The following SCN4A variants were observed in gnomAD, a reference collection of about 807,000 sequenced individuals.
The protein encoded by SCN4A is sodium voltage-gated channel alpha subunit 4.
Under a neutral mutation model 162.0 loss-of-function variants are expected in SCN4A, and 83 were observed. The observed-to-expected ratio is 0.51, with a 90% CI of 0.43 to 0.61. The LOEUF (loss-of-function observed/expected upper bound fraction) is 0.61. Among genes scored for constraint, SCN4A ranks in the 20% least tolerant of loss-of-function variants. SCN4A has a pLI of 0.00. For synonymous variants in SCN4A, 944 were observed against 985.1 expected (o/e 0.96, Z 0.78); for missense variants, 2,196 against 2,462.5 (o/e 0.89, Z 2.29).
At chr17:63,967,983 G>C (rs200523205) in intron 6 of SCN4A, 40 bp downstream of exon 6, 1 of 1,553,508 alleles carries the variant, frequency 6.4e-7, no homozygotes, top group Non-Finnish European at 8.9e-7. Context: ...CTAGGGACTG[G>C]GACAGGATCC....
rs558245350 is a variant in SCN4A, at chr17:63,966,207, C to T, written c.1137G>A (p.Gly379=). 1.2e-6 allele frequency: 2 copies of T among 1,603,288 alleles called. No individual in the cohort carries two copies. Among genetic ancestry groups the T allele is most frequent in the South Asian group, 1.1e-5 (1 of 88,714 alleles). Residue 379 remains glycine, a synonymous_variant, in exon 8 of 24, where the codon GGG becomes GGA. Coordinates refer to ENST00000435607, the MANE Select transcript of SCN4A (RefSeq NM_000334.4). ...TGGTGTAGCCATAGTTGGGGTTCCGCCCGGTCTTGATGCACTCATAACCCT... is the reference window on the plus strand; with the variant it reads ...TGGTGTAGCCATAGTTGGGGTTCCGTCCGGTCTTGATGCACTCATAACCCT... ...CPEGYECIKT[G]RNPNYGYTSY... is the part of the protein sequence containing the mutation.
At chr17:63,946,485 A>G (rs1019421432) in intron 18 of SCN4A, among the ~76,000 whole-genome samples, 1 of 72,174 alleles carries the variant, frequency 1.4e-5, no homozygotes, top group African/African-American at 7.2e-5. Flanking sequence ...CCCCGCCGCA[A>G]CCCTGTGTTT....
chr17:63,948,003 C>T lies in SCN4A; in HGVS notation c.3205G>A (p.Asp1069Asn), dbSNP rs373150395. The T allele has an allele frequency of 2.4e-5, 39 of 1,613,726 alleles. No individual in the cohort carries two copies. Among genetic ancestry groups the T allele is most frequent in the Non-Finnish European group, 3.0e-5 (35 of 1,179,784 alleles). ...ATGAAGATGTAGGTGAAGACCTTGT[C>T]GGCATATTCTAGGATGGTGCGAATG... ...RVIRTILEYA[D>N]KVFTYIFIME... The change falls in exon 17 of 24, where the codon GAC (aspartate) becomes AAC (asparagine). Residue 1069 changes from aspartate to asparagine, a missense_variant. Transcript: ENST00000435607.
At chr17:63,947,205 C>T in intron 17 of SCN4A, 38 bp from the exon 18 acceptor site, 5 of 1,609,628 alleles carry the variant, frequency 3.1e-6, no homozygotes, top group East Asian at 2.2e-5. Context: ...GCGTGCAAGG[C>T]CCCCAGCCTC....
chr17:63,954,856 C>T (rs984162132), intron 13 of SCN4A, among the ~76,000 whole-genome samples: 1 of 152,138 alleles, frequency 6.6e-6, no homozygotes, highest in Non-Finnish European at 1.5e-5. Flanking sequence ...GACAGGCACA[C>T]AGAAGCAGGG....
chr17:63,940,771 C>A lies in SCN4A; in HGVS notation c.5511G>T (p.Ter1837TyrextTer50). The part of the protein sequence containing the change: ...VRPGVKESLV[*>Y] ...CAGTGGGCCACCCCGATGCTGCCTG[C>A]TAGACAAGAGACTCCTTGACACCTG... The change falls in exon 24 of 24, where the codon TAG becomes TAT. Residue 1837 changes from the stop codon to tyrosine, a stop_lost. Coordinates refer to ENST00000435607, the MANE Select transcript of SCN4A (RefSeq NM_000334.4). 1 of 1,561,006 alleles carries A rather than the reference C, an allele frequency of 6.4e-7. No individual in the cohort carries two copies. The highest frequency in any genetic ancestry group is 8.7e-7 in the Non-Finnish European group (1 of 1,151,722).
chr17:63,955,334 G>T (rs1909041035), intron 13 of SCN4A, among the ~76,000 whole-genome samples: 1 of 152,202 alleles, frequency 6.6e-6, no homozygotes, highest in Non-Finnish European at 1.5e-5. Flanking sequence ...CAGGAGCATC[G>T]CCCTGGTGGC....
In SCN4A at chr17:63,943,212, CAGAG is replaced by C. The variant is rs111745569; in HGVS notation, c.4018-120_4018-117del. The C allele has an allele frequency of 0.11, 38,565 of 362,096 alleles. 843 individuals are homozygous for C. The highest frequency in any genetic ancestry group is 0.42 in the African/African-American group (8,919 of 21,452). 22.4% of individuals were successfully genotyped at this position (362,096 alleles called of 1,614,324 possible). A position where few individuals can be genotyped will look rare whatever the true frequency, so the allele number is the denominator to read the frequency against. The stretch of plus-strand genomic sequence containing the variant: ...AGCATGACAGAGATGACAGAGATGA[CAGAG>C]AGAGAGAGAGAGAGAGAGAGAAAGG... On this transcript the variant is annotated intron_variant, in intron 22 of 23. Transcript: ENST00000435607.
rs781016013 is a variant in SCN4A at position 63,957,127 on chromosome 17, G to C, written c.2376+35C>G. On this transcript the variant is annotated intron_variant, in intron 13 of 23. Transcript: ENST00000435607. Reference sequence around the variant, plus strand: ...CAGGTACATCTTGTACGCTTCCCGGGTGAGGGCAGGGGCCACCCAGCCAGC... The same window carrying C: ...CAGGTACATCTTGTACGCTTCCCGGCTGAGGGCAGGGGCCACCCAGCCAGC... 2.8e-6 allele frequency: 4 copies of C among 1,419,130 alleles called. No homozygotes were observed. In the East Asian group the frequency reaches 9.2e-5, roughly 33 times the overall value. 87.9% of individuals were successfully genotyped at this position (1,419,130 alleles called of 1,614,324 possible).
chr17:63,943,211 ACAGAGAGAGAG>A, intron 22 of SCN4A, 115 bp from the exon 23 acceptor site: 1 of 259,906 alleles, frequency 3.8e-6, no homozygotes, highest in South Asian at 3.6e-5. Flanking sequence ...GACAGAGATG[ACAGAGAGAGAG>A]AGAGAGAGAG....
chr17:63,971,727 C>T lies in SCN4A; in HGVS notation c.606G>A (p.Met202Ile). ...GTCCTGGGGCCCCTGCTCACGCCAT[C>T]ATGATGACACTGAAGTCCAGCCAGT... The part of the protein sequence containing the change: ...PWNWLDFSVI[M>I]MAYLTEFVDL... Residue 202 changes from methionine (M) to isoleucine (I), a missense_variant, in exon 4 of 24, where the codon ATG (methionine) becomes ATA (isoleucine). Met to Ile is a conservative substitution (Grantham distance 10). Transcript: ENST00000435607. The T allele has an allele frequency of 6.3e-7, 1 of 1,597,216 alleles. No individual in the cohort carries two copies. Among genetic ancestry groups the T allele is most frequent in the African/African-American group, 1.3e-5 (1 of 74,752 alleles).
In SCN4A at chr17:63,947,127, G is replaced by A. The variant is rs1314399622; in HGVS notation, c.3359C>T (p.Ser1120Leu). Residue 1120 changes from serine to leucine, a missense_variant, in exon 18 of 24, where the codon TCG (serine) becomes TTG (leucine). Physicochemically the swap from Ser to Leu is moderately radical, Grantham distance 145. Coordinates refer to ENST00000435607, the MANE Select transcript of SCN4A (RefSeq NM_000334.4). ...CAGGGATTTGATGGGTCCCAGCTCCGAGTAGCCCAGCCAGTTGGCCACCAA... is the reference window on the plus strand; with the variant it reads ...CAGGGATTTGATGGGTCCCAGCTCCAAGTAGCCCAGCCAGTTGGCCACCAA... ...ISLVANWLGYSELGPIKSLRT... is the reference protein window; with the variant it reads ...ISLVANWLGYLELGPIKSLRT... 6 of 1,611,054 alleles carry A rather than the reference G, an allele frequency of 3.7e-6. No individual in the cohort carries two copies. Among genetic ancestry groups the A allele is most frequent in the Non-Finnish European group, 4.2e-6 (5 of 1,178,188 alleles).
chr17:63,938,616 C>CGTGGG lies in SCN4A; in HGVS notation c.*2150_*2154dup, dbSNP rs1908422563. The stretch of plus-strand genomic sequence containing the variant: ...CAAAGGAGCCCGCCTGCTGGCCTGG[C>CGTGGG]GTGGGACCTGTTCCCCACTGGACCA... On this transcript the variant is annotated 3_prime_UTR_variant, in exon 24 of 24. Transcript: ENST00000435607. 6.5e-6 allele frequency: 1 copy of CGTGGG among 152,744 alleles called. No homozygotes were observed. Among genetic ancestry groups the CGTGGG allele is most frequent in the Admixed American group, 6.5e-5 (1 of 15,290 alleles). The allele number at this position is 152,744 out of a possible 1,614,324, so 9.5% of individuals were successfully genotyped here. A position where few individuals can be genotyped will look rare whatever the true frequency, so the allele number is the denominator to read the frequency against.
Position 63,972,541 on chromosome 17 carries a change from G to C in SCN4A, c.273+28C>G, listed in dbSNP as rs1597988020. 1.3e-6 allele frequency: 2 copies of C among 1,596,616 alleles called. No individual in the cohort carries two copies. The highest frequency in any genetic ancestry group is 2.2e-5 in the South Asian group (2 of 88,956). On this transcript the variant is annotated intron_variant, in intron 1 of 23. Coordinates refer to ENST00000435607, the MANE Select transcript of SCN4A (RefSeq NM_000334.4). The surrounding 1 kb of genome is among the most constrained non-coding windows in gnomAD (Gnocchi z 4.3). ...CAGACAGATGGATGGATGGCAGACA[G>C]ACAGAGGAAGCCTTCCCAGGCCCAG...
Position 63,940,467 on chromosome 17 carries a change from C to T in SCN4A, c.*304G>A, listed in dbSNP as rs545908155. ...GCAGAGATTCGAATGTTCTGACCTC[C>T]CCCAGGCCAAAAGGAGGGGCGACAG... On this transcript the variant is annotated 3_prime_UTR_variant, in exon 24 of 24. Transcript: ENST00000435607. 5.1e-4 allele frequency: 191 copies of T among 377,324 alleles called. 1 individual carries two copies. In the East Asian group the frequency reaches 7.4e-3, roughly 15 times the overall value. The allele number at this position is 377,324 out of a possible 1,614,324, so 23.4% of individuals were successfully genotyped here.
intron 13 of SCN4A, among the ~76,000 whole-genome samples, chr17:63,953,143 G>C (rs754452020): frequency 6.6e-6 from 1 of 152,072 alleles, no homozygotes; most frequent in Non-Finnish European, 1.5e-5. Flanking sequence ...GGCGGATCAC[G>C]AGGTCAGGAG....
rs926173496 is a variant in SCN4A at position 63,940,364 on chromosome 17, G to A, written c.*407C>T. 2 of 180,732 alleles carry A rather than the reference G, an allele frequency of 1.1e-5. No individual in the cohort carries two copies. The highest frequency in any genetic ancestry group is 1.8e-4 in the South Asian group (1 of 5,410). The allele number at this position is 180,732 out of a possible 1,614,324, so 11.2% of individuals were successfully genotyped here. On this transcript the variant is annotated 3_prime_UTR_variant, in exon 24 of 24. Coordinates refer to ENST00000435607, the MANE Select transcript of SCN4A (RefSeq NM_000334.4). ...GGGTCTGAGCCACTTCCTGGGGAGA[G>A]GCCAGTGACCCTTAAGACTCTGGTG...
At chr17:63,946,931 G>A in intron 18 of SCN4A, 114 bp downstream of exon 18, 1 of 1,089,636 alleles carries the variant, frequency 9.2e-7, no homozygotes, top group Non-Finnish European at 1.3e-6. Context: ...GTGGGTCCAA[G>A]CTCTCTGCTT....
chr17:63,945,308 G>A lies in SCN4A; in HGVS notation c.3720+52C>T. 8 of 1,508,460 alleles carry A rather than the reference G, an allele frequency of 5.3e-6. No homozygotes were observed. In the South Asian group the frequency reaches 6.0e-5, roughly 11 times the overall value. 93.4% of individuals were successfully genotyped at this position (1,508,460 alleles called of 1,614,324 possible). A position where few individuals can be genotyped will look rare whatever the true frequency, so the allele number is the denominator to read the frequency against. ...GGTTGGGTACAACGAGAGGACCGGG[G>A]TGGGGGGCACCTCCATCCAGGTTCC... On this transcript the variant is annotated intron_variant, in intron 19 of 23. Transcript: ENST00000435607. The surrounding 1 kb of genome is among the most constrained non-coding windows in gnomAD (Gnocchi z 4.4).
Sources: gnomAD v4.1 joint callset for allele counts (sites outside exome capture counted in the v4.1 genomes callset) on GRCh38, gnomAD v4.1.1 for gene constraint, Gnocchi (gnomAD v3.1) non-coding constraint, MANE v1.5 for transcripts, NCBI Gene and HGNC (gene_info 2026-07-23, HGNC 2026-07-21) for gene names.